ADGRA3: variants seen among roughly 807,000 people sequenced by gnomAD.
The protein encoded by ADGRA3 is G-protein coupled receptor 125.
A neutral mutation model predicts 119.8 loss-of-function variants in ADGRA3; 56 were observed. That is an observed-to-expected ratio of 0.47 (90% CI 0.38 to 0.58). ADGRA3 has a LOEUF of 0.58. Ranked by LOEUF, ADGRA3 falls within the 20% of genes least tolerant of loss-of-function variation. ADGRA3 has a pLI of 0.00. For missense variants in ADGRA3, 1,516 were observed against 1,649.0 expected, an observed-to-expected ratio of 0.92 and a Z score of 1.40; for synonymous variants, 607 against 623.8, an observed-to-expected ratio of 0.97 and a Z score of 0.40.
chr4:22,448,181 T>C (rs1716898154), intron 4 of ADGRA3, among the ~76,000 whole-genome samples: 1 of 152,104 alleles, frequency 6.6e-6, no homozygotes, highest in Non-Finnish European at 1.5e-5. Context: ...TTGACCGAAT[T>C]ATTTCTTTCA....
intron 10 of ADGRA3, among the ~76,000 whole-genome samples, chr4:22,427,359 G>A (rs1026956435): frequency 5.9e-5 from 9 of 151,990 alleles, no homozygotes; most frequent in Admixed American, 2.6e-4. Context: ...TGATGGGCAC[G>A]TCATCTTTCT....
intron 1 of ADGRA3, among the ~76,000 whole-genome samples, chr4:22,486,916 G>A (rs945747193): frequency 1.3e-5 from 2 of 152,160 alleles, no homozygotes; most frequent in African/African-American, 2.4e-5. Context: ...AATGTGTGGT[G>A]AAGCACTTAA....
chr4:22,410,496 A>G (rs1053789754), intron 14 of ADGRA3, among the ~76,000 whole-genome samples: 2 of 152,128 alleles, frequency 1.3e-5, no homozygotes, highest in African/African-American at 2.4e-5. Flanking sequence ...CGCATTTTTT[A>G]AAAATTCAAA....
At chr4:22,461,069 G>A (rs902442449) in intron 3 of ADGRA3, among the ~76,000 whole-genome samples, 1 of 152,200 alleles carries the variant, frequency 6.6e-6, no homozygotes, top group African/African-American at 2.4e-5. Context: ...AGATACACAT[G>A]AAAATAGCAA....
At chr4:22,478,520 A>G (rs886326870) in intron 1 of ADGRA3, among the ~76,000 whole-genome samples, 4 of 152,224 alleles carry the variant, frequency 2.6e-5, no homozygotes, top group Non-Finnish European at 5.9e-5. Context: ...GGCATCAACC[A>G]TTGTAGGGAA....
chr4:22,389,055 G>A (rs771382214), intron 18 of ADGRA3, 33 bp downstream of exon 18: 1 of 1,599,750 alleles, frequency 6.3e-7, no homozygotes, highest in Non-Finnish European at 8.5e-7. Flanking sequence ...AGAAACAACT[G>A]GGTCAAGTAC....
In ADGRA3 at chr4:22,476,206, G is replaced by C. The variant is rs140395999; in HGVS notation, c.258-2363C>G. Among the ~76,000 whole-genome samples the C allele has an allele frequency of 3.3e-3, 507 of 152,094 alleles. 3 individuals carry two copies. Among genetic ancestry groups the C allele is most frequent in the African/African-American group, 0.011 (470 of 41,502 alleles). On this transcript the variant is annotated intron_variant, in intron 1 of 18. Transcript: ENST00000334304. ...AAAACAGAATTGAGACTCACATATG[G>C]ACTCAAAGCTCACTTCCGGAACAAG...
chr4:22,414,370 AAAT>A (rs1353381228), intron 12 of ADGRA3: 2 of 395,672 alleles, frequency 5.1e-6, no homozygotes, highest in African/African-American at 4.1e-5. Context: ...TAGAAAAAAA[AAAT>A]AATAACACAT....
At chr4:22,446,686 A>G (rs2109079618) in intron 5 of ADGRA3, among the ~76,000 whole-genome samples, 1 of 152,246 alleles carries the variant, frequency 6.6e-6, no homozygotes, top group Middle Eastern at 3.4e-3. Context: ...AGGAGAAGTC[A>G]GAGTACAGGG....
chr4:22,388,788 T>A lies in ADGRA3; in HGVS notation c.2883A>T (p.Arg961Ser), dbSNP rs1180147610. The A allele has an allele frequency of 1.9e-6, 3 of 1,614,062 alleles. No individual in the cohort carries two copies. In the East Asian group the frequency reaches 6.7e-5, roughly 36 times the overall value. Residue 961 changes from arginine to serine, a missense_variant, in exon 19 of 19, where the codon AGA becomes AGT. Physicochemically the swap from Arg to Ser is moderately radical, Grantham distance 110. Transcript: ENST00000334304. ...TTTCGCCATTTTCATTGGCTGCCAA[T>A]CTCTGTTGCTCCTCCGTGGGCTCCT... ...ELKEPTEEQQRLAANENGEIN... is the reference protein window; with the variant it reads ...ELKEPTEEQQSLAANENGEIN...
At chr4:22,515,225 G>A in intron 1 of ADGRA3, 1 of 229,020 alleles carries the variant, frequency 4.4e-6, no homozygotes, top group Non-Finnish European at 8.5e-6. Flanking sequence ...GTGTTTACTT[G>A]CATCCTCACG....
At chr4:22,443,156 G>A in intron 6 of ADGRA3, 1 of 646,744 alleles carries the variant, frequency 1.5e-6, no homozygotes, top group Non-Finnish European at 2.7e-6. Context: ...AACAAGCTGT[G>A]CTCTAGAAAA....
In ADGRA3 at chr4:22,438,402, A is replaced by G. The variant is rs367781640; in HGVS notation, c.939T>C (p.Asn313=). ...AATTTCCAGTAGATCCAGCCTGAAT[A>G]TTAGAAATGGTTAGGGCACTGCATA... ...SLIASALTIS[N]IQAGSTGNWG... The change falls in exon 8 of 19, where the codon AAT becomes AAC. Residue 313 remains asparagine (N), a synonymous_variant. Coordinates refer to ENST00000334304, the MANE Select transcript of ADGRA3 (RefSeq NM_145290.4). The G allele has an allele frequency of 5.6e-6, 9 of 1,613,838 alleles. No individual in the cohort carries two copies. The highest frequency in any genetic ancestry group is 7.6e-6 in the Non-Finnish European group (9 of 1,179,842).
rs150146634 is a variant in ADGRA3 at position 22,487,320 on chromosome 4, G to C, written c.258-13477C>G. Among the ~76,000 whole-genome samples, 122 of 152,270 alleles carry C rather than the reference G, an allele frequency of 8.0e-4. 2 individuals carry two copies. In the East Asian group the frequency reaches 0.02, roughly 25 times the overall value. On this transcript the variant is annotated intron_variant, in intron 1 of 18. Coordinates refer to ENST00000334304, the MANE Select transcript of ADGRA3 (RefSeq NM_145290.4). ...CACAGAAGACAATTTTTCCATGGAT[G>C]GGGGAAACAGGGATGATTTCAAAGG... is the stretch of plus-strand genomic sequence containing the variant.
At chr4:22,496,163 G>C (rs1169413967) in intron 1 of ADGRA3, among the ~76,000 whole-genome samples, 1 of 152,110 alleles carries the variant, frequency 6.6e-6, no homozygotes, top group Non-Finnish European at 1.5e-5. Flanking sequence ...ATGTGAATTT[G>C]TGTTCCCTTT....
intron 2 of ADGRA3, among the ~76,000 whole-genome samples, chr4:22,470,273 A>G (rs1717811049): frequency 6.6e-6 from 1 of 151,784 alleles, no homozygotes; most frequent in African/African-American, 2.4e-5. Flanking sequence ...ATCAGGATTT[A>G]GTTACTTTGT....
intron 4 of ADGRA3, among the ~76,000 whole-genome samples, chr4:22,450,900 C>T (rs1300156359): frequency 6.9e-6 from 1 of 144,114 alleles, no homozygotes; most frequent in Non-Finnish European, 1.5e-5. Context: ...ATTTTTAAAG[C>T]TCTGTGTGTG....
At chr4:22,392,044 A>C (rs2108994219) in intron 17 of ADGRA3, among the ~76,000 whole-genome samples, 1 of 152,342 alleles carries the variant, frequency 6.6e-6, no homozygotes, top group African/African-American at 2.4e-5. Flanking sequence ...CCAGTGACAT[A>C]TCAGGCATTC....
intron 11 of ADGRA3, among the ~76,000 whole-genome samples, chr4:22,423,764 C>A (rs948025342): frequency 5.3e-5 from 8 of 152,114 alleles, no homozygotes; most frequent in African/African-American, 1.9e-4. Flanking sequence ...CTTCAGGGCC[C>A]AGAACAGAGT....
Sources: allele counts gnomAD v4.1 joint callset (sites outside exome capture counted in the v4.1 genomes callset), GRCh38; gene constraint gnomAD v4.1.1; transcripts MANE v1.5; gene names NCBI Gene and HGNC (gene_info 2026-07-23, HGNC 2026-07-21).